Variants in CPA6 observed in about 807,000 individuals in gnomAD.
The protein encoded by CPA6 is carboxypeptidase A6.
Under a neutral mutation model 63.3 loss-of-function variants are expected in CPA6, and 58 were observed. The ratio of observed to expected loss-of-function variants is 0.92; its 90% CI spans 0.74 to 1.14. The LOEUF is 1.14. Ranked by LOEUF, CPA6 falls within the 50% of genes most tolerant of loss-of-function variation. CPA6 has a pLI of 0.00. For synonymous variants in CPA6, 185 were observed against 179.0 expected (o/e 1.03, Z -0.27); for missense variants, 565 against 526.6 (o/e 1.07, Z -0.71).
At chr8:67,431,517 T>A (rs1810027105) in intron 9 of CPA6, among the ~76,000 whole-genome samples, 1 of 152,172 alleles carries the variant, frequency 6.6e-6, no homozygotes, top group South Asian at 2.1e-4. Context: ...CATCAGCCAC[T>A]GTGCCCAGCC....
chr8:67,630,909 C>G (rs948501940), intron 1 of CPA6, among the ~76,000 whole-genome samples: 8 of 152,244 alleles, frequency 5.3e-5, no homozygotes, highest in African/African-American at 9.6e-5. Flanking sequence ...CCAGCAGTGC[C>G]GGCCCACTGG....
chr8:67,461,007 G>C (rs1042668331), intron 8 of CPA6, among the ~76,000 whole-genome samples: 1 of 151,670 alleles, frequency 6.6e-6, no homozygotes, highest in African/African-American at 2.4e-5. Flanking sequence ...GCTAGTGAGC[G>C]GAGGCGTGAG....
intron 1 of CPA6, among the ~76,000 whole-genome samples, chr8:67,646,436 C>G (rs1301152031): frequency 6.6e-6 from 1 of 152,104 alleles, no homozygotes; most frequent in Non-Finnish European, 1.5e-5. Context: ...TTCATGGGAT[C>G]GAACAGGGAA....
chr8:67,526,181 G>GT (rs1812359676), intron 2 of CPA6, among the ~76,000 whole-genome samples: 1 of 152,104 alleles, frequency 6.6e-6, no homozygotes, highest in African/African-American at 2.4e-5. Context: ...AGGAACTGAG[G>GT]TTTTTCTGTG....
At chr8:67,540,652 C>A (rs1028246074) in intron 2 of CPA6, among the ~76,000 whole-genome samples, 2 of 152,254 alleles carry the variant, frequency 1.3e-5, no homozygotes, top group Non-Finnish European at 2.9e-5. Flanking sequence ...GGAGTTTTAT[C>A]TATAAGCCCC....
chr8:67,631,825 T>G (rs1025959249), intron 1 of CPA6, among the ~76,000 whole-genome samples: 1 of 151,618 alleles, frequency 6.6e-6, no homozygotes, highest in Non-Finnish European at 1.5e-5. Context: ...CCGGGAGGAA[T>G]GAACAACTCC....
At chr8:67,641,636 T>C (rs1016719263) in intron 1 of CPA6, among the ~76,000 whole-genome samples, 12 of 152,208 alleles carry the variant, frequency 7.9e-5, no homozygotes, top group Non-Finnish European at 1.8e-4. Context: ...AAACATCATG[T>C]TCAGCAGCAA....
chr8:67,436,181 C>G (rs115553325), intron 8 of CPA6, among the ~76,000 whole-genome samples: 2,273 of 152,272 alleles, frequency 0.015, 48 homozygotes, highest in African/African-American at 0.052. Context: ...AAAGAGTCCC[C>G]ACCTGCCCAG....
intron 8 of CPA6, among the ~76,000 whole-genome samples, chr8:67,475,924 TTC>T (rs781678762): frequency 1.1e-5 from 1 of 92,656 alleles, no homozygotes; most frequent in East Asian, 2.9e-4. Context: ...CTTTCTTTCT[TTC>T]TTTCTTTCTC....
At chr8:67,498,535 C>CAAAA (rs397940852) in intron 6 of CPA6, among the ~76,000 whole-genome samples, 367 of 33,128 alleles carry the variant, frequency 0.011, 18 homozygotes, top group African/African-American at 0.019. Flanking sequence ...GACTCCATCT[C>CAAAA]AAAAAAAAAA....
chr8:67,498,381 GA>G (rs1811764571), intron 6 of CPA6, among the ~76,000 whole-genome samples: 1 of 151,282 alleles, frequency 6.6e-6, no homozygotes, highest in Non-Finnish European at 1.5e-5. Context: ...ACTGAAAATA[GA>G]AAAATTAGCA....
At chr8:67,665,622 A>T (rs371897597) in intron 1 of CPA6, among the ~76,000 whole-genome samples, 89 of 152,268 alleles carry the variant, frequency 5.8e-4, no homozygotes, top group African/African-American at 1.9e-3. Flanking sequence ...AGACTCCCAC[A>T]TGTATGGCAT....
chr8:67,573,997 T>A (rs989879271), intron 2 of CPA6, among the ~76,000 whole-genome samples: 1 of 151,120 alleles, frequency 6.6e-6, no homozygotes, highest in Non-Finnish European at 1.5e-5. Flanking sequence ...GAATTAATAC[T>A]GTTAAAAGAT....
At chr8:67,556,645 C>T (rs1246339351) in intron 2 of CPA6, among the ~76,000 whole-genome samples, 1 of 152,198 alleles carries the variant, frequency 6.6e-6, no homozygotes, top group African/African-American at 2.4e-5. Context: ...CATACGAAAG[C>T]ACCCCAGCTA....
chr8:67,692,831 A>C (rs148763572), intron 1 of CPA6, among the ~76,000 whole-genome samples: 1 of 152,346 alleles, frequency 6.6e-6, no homozygotes, highest in Non-Finnish European at 1.5e-5. Flanking sequence ...ATGAGTGCAA[A>C]TTAATACCCA....
In CPA6 at chr8:67,535,386, A is replaced by G. The variant is rs577103465; in HGVS notation, c.193-17339T>C. On this transcript the variant is annotated intron_variant, in intron 2 of 10. Transcript: ENST00000297770. Reference sequence around the variant, plus strand: ...AGCATCTGTTGTTTCTTGACTTTTCAATGATCACCATTCTAACTGGTGTGA... The same window carrying G: ...AGCATCTGTTGTTTCTTGACTTTTCGATGATCACCATTCTAACTGGTGTGA... Among the ~76,000 whole-genome samples the G allele has an allele frequency of 4.6e-4, 70 of 152,254 alleles. 1 individual carries two copies. The South Asian group carries it at 0.014, about 31-fold the overall frequency.
In CPA6 at chr8:67,561,683, A is replaced by G. The variant is rs1388310645; in HGVS notation, c.193-43636T>C. Among the ~76,000 whole-genome samples the G allele has an allele frequency of 2.0e-5, 3 of 152,166 alleles. No homozygotes were observed. In the East Asian group the frequency reaches 5.8e-4, roughly 29 times the overall value. ...TTGGGAGAATTGGTGAAGGTTGAGT[A>G]GGGTCTGAGGATTAAGTAATATATC... On this transcript the variant is annotated intron_variant, in intron 2 of 10. Coordinates refer to ENST00000297770, the MANE Select transcript of CPA6 (RefSeq NM_020361.5).
intron 2 of CPA6, among the ~76,000 whole-genome samples, chr8:67,584,331 C>T (rs1204788001): frequency 6.6e-6 from 1 of 151,988 alleles, no homozygotes; most frequent in African/African-American, 2.4e-5. Context: ...CTTGAATAGC[C>T]CTCCTATTCT....
chr8:67,424,007 C>T (rs1809827489), intron 10 of CPA6, among the ~76,000 whole-genome samples: 1 of 152,202 alleles, frequency 6.6e-6, no homozygotes, highest in Non-Finnish European at 1.5e-5. Context: ...TGCCTCCTGT[C>T]AGATCAGTGG....
Sources: gnomAD v4.1 joint callset for allele counts (sites outside exome capture counted in the v4.1 genomes callset) on GRCh38, gnomAD v4.1.1 for gene constraint, MANE v1.5 for transcripts, NCBI Gene and HGNC (gene_info 2026-07-23, HGNC 2026-07-21) for gene names.